EFNA5: variants seen among roughly 807,000 people sequenced by gnomAD.
EFNA5 encodes ephrin A5, also known as ephrin-A5.
A neutral mutation model predicts 22.9 loss-of-function variants in EFNA5; 5 were observed. The ratio of observed to expected loss-of-function variants is 0.22; its 90% CI spans 0.11 to 0.46. The LOEUF is 0.46. EFNA5 is among the 20% of genes least tolerant of loss of function. The probability of loss-of-function intolerance (pLI) is 0.99; values close to 1 mark genes in which losing one functional copy is unlikely to be tolerated. For synonymous variants in EFNA5, 113 were observed against 112.2 expected (o/e 1.01, Z -0.04); for missense variants, 237 against 293.3 (o/e 0.81, Z 1.40).
intron 2 of EFNA5, among the ~76,000 whole-genome samples, chr5:107,417,385 A>T (rs1420420842): frequency 6.6e-6 from 1 of 152,180 alleles, no homozygotes; most frequent in African/African-American, 2.4e-5. Flanking sequence ...CATAGCATAC[A>T]TATTAAAGTT....
chr5:107,452,154 C>G (rs538127685), intron 1 of EFNA5, among the ~76,000 whole-genome samples: 37 of 152,090 alleles, frequency 2.4e-4, no homozygotes, highest in African/African-American at 8.7e-4. Flanking sequence ...TAAGTAGGAG[C>G]TGAACATTGA....
chr5:107,641,472 G>T (rs1035110898), intron 1 of EFNA5, among the ~76,000 whole-genome samples: 1 of 152,036 alleles, frequency 6.6e-6, no homozygotes, highest in African/African-American at 2.4e-5. Context: ...TCTGATTAAG[G>T]TTACTATGGT....
intron 1 of EFNA5, among the ~76,000 whole-genome samples, chr5:107,443,164 C>T (rs1347072594): frequency 6.6e-6 from 1 of 152,176 alleles, no homozygotes; most frequent in Non-Finnish European, 1.5e-5. Context: ...GATTAGGATG[C>T]TGTGCTGGGC....
At chr5:107,500,834 T>C (rs1395859718) in intron 1 of EFNA5, among the ~76,000 whole-genome samples, 1 of 151,768 alleles carries the variant, frequency 6.6e-6, no homozygotes, top group Non-Finnish European at 1.5e-5. Flanking sequence ...ACCTTGACTT[T>C]GTTTCTTCAA....
chr5:107,406,320 A>G (rs116717207), intron 2 of EFNA5, among the ~76,000 whole-genome samples: 3,966 of 152,060 alleles, frequency 0.026, 67 homozygotes, highest in Middle Eastern at 0.048. Context: ...AACTTAATAC[A>G]CATTCTGCAC....
intron 1 of EFNA5, among the ~76,000 whole-genome samples, chr5:107,460,221 A>T (rs1204761854): frequency 2.0e-5 from 3 of 152,046 alleles, no homozygotes; most frequent in Non-Finnish European, 2.9e-5. Context: ...CTCCTTTTTG[A>T]TTTTGCTGAT....
At chr5:107,615,494 C>G (rs147774021) in intron 1 of EFNA5, among the ~76,000 whole-genome samples, 223 of 152,196 alleles carry the variant, frequency 1.5e-3, no homozygotes, top group African/African-American at 5.1e-3. Context: ...GATTTAACAC[C>G]CCTGCCTTTG....
chr5:107,621,171 G>A (rs1750029794), intron 1 of EFNA5, among the ~76,000 whole-genome samples: 1 of 152,186 alleles, frequency 6.6e-6, no homozygotes, highest in African/African-American at 2.4e-5. Flanking sequence ...TGGCAGACAG[G>A]CCTGGCAGAA....
At chr5:107,521,363 C>A (rs1747592109) in intron 1 of EFNA5, among the ~76,000 whole-genome samples, 1 of 151,706 alleles carries the variant, frequency 6.6e-6, no homozygotes, top group Admixed American at 6.6e-5. Context: ...GATCATGGCT[C>A]ACTGCAGCCT....
intron 2 of EFNA5, 140 bp from the exon 3 acceptor site, chr5:107,387,911 T>C (rs888146942): frequency 2.1e-5 from 13 of 610,836 alleles, no homozygotes; most frequent in Middle Eastern, 4.3e-4. Context: ...CTCCTCCAAA[T>C]TAAAACAAAC....
chr5:107,410,245 T>A (rs1040961944), intron 2 of EFNA5, among the ~76,000 whole-genome samples: 12 of 152,062 alleles, frequency 7.9e-5, no homozygotes, highest in African/African-American at 2.9e-4. Flanking sequence ...TTAGCCAGGA[T>A]GGTCTCGATC....
intron 1 of EFNA5, among the ~76,000 whole-genome samples, chr5:107,505,836 C>G (rs376257765): frequency 4.6e-5 from 7 of 151,906 alleles, no homozygotes; most frequent in Non-Finnish European, 7.4e-5. Flanking sequence ...TTCTCTCCCC[C>G]CCACCTTCTC....
chr5:107,656,150 T>C (rs1429299980), intron 1 of EFNA5, among the ~76,000 whole-genome samples: 1 of 152,184 alleles, frequency 6.6e-6, no homozygotes, highest in Non-Finnish European at 1.5e-5. Flanking sequence ...GATATCTCAT[T>C]ATAACTATGA....
intron 1 of EFNA5, among the ~76,000 whole-genome samples, chr5:107,437,508 A>G (rs933783322): frequency 7.9e-5 from 12 of 152,370 alleles, no homozygotes; most frequent in Non-Finnish European, 1.3e-4. Flanking sequence ...AAGTCAATGT[A>G]TAGATTTAGA....
Position 107,473,856 on chromosome 5 carries a change from C to T in EFNA5, c.126-46347G>A, listed in dbSNP as rs971730787. ...TTGCATTTTTAGTAGAGATGGGGTTCCACCATGTTATCAAGGATGGTCTTG... is the reference window on the plus strand; with the variant it reads ...TTGCATTTTTAGTAGAGATGGGGTTTCACCATGTTATCAAGGATGGTCTTG... On this transcript the variant is annotated intron_variant, in intron 1 of 4. Transcript: ENST00000333274. 3.3e-5 allele frequency among the ~76,000 whole-genome samples: 5 copies of T among 151,834 alleles called. 1 individual carries two copies. Among genetic ancestry groups the T allele is most frequent in the African/African-American group, 1.2e-4 (5 of 41,322 alleles).
At chr5:107,465,621 A>G (rs1749956349) in intron 1 of EFNA5, among the ~76,000 whole-genome samples, 1 of 152,134 alleles carries the variant, frequency 6.6e-6, no homozygotes, top group Non-Finnish European at 1.5e-5. Context: ...TAGTTAAATA[A>G]CTATCAGAGG....
intron 1 of EFNA5, among the ~76,000 whole-genome samples, chr5:107,446,751 TA>T (rs1749411003): frequency 8.1e-6 from 1 of 122,966 alleles, no homozygotes; most frequent in East Asian, 2.8e-4. Context: ...ACTTTAGAAA[TA>T]AAAAACTTAA....
chr5:107,552,470 G>A (rs567120736), intron 1 of EFNA5, among the ~76,000 whole-genome samples: 109 of 152,286 alleles, frequency 7.2e-4, no homozygotes, highest in African/African-American at 1.8e-3. Flanking sequence ...GGTAACTCAT[G>A]GGAGAGAAGA....
chr5:107,597,288 C>T (rs1749492714), intron 1 of EFNA5, among the ~76,000 whole-genome samples: 1 of 152,132 alleles, frequency 6.6e-6, no homozygotes. Context: ...TAGGCAAAGA[C>T]AGATAACATA....
Sources: allele counts gnomAD v4.1 joint callset (sites outside exome capture counted in the v4.1 genomes callset), GRCh38; gene constraint gnomAD v4.1.1; transcripts MANE v1.5; gene names NCBI Gene and HGNC (gene_info 2026-07-23, HGNC 2026-07-21).